The following SMURF1 variants were observed in gnomAD, a reference collection of about 807,000 sequenced individuals.
The protein encoded by SMURF1 is SMAD specific E3 ubiquitin protein ligase 1, also known as E3 ubiquitin-protein ligase SMURF1.
Under a neutral mutation model 98.0 loss-of-function variants are expected in SMURF1, and 44 were observed. The observed-to-expected ratio is 0.45, with a 90% CI of 0.35 to 0.58. SMURF1 has a LOEUF of 0.58. Among genes scored for constraint, SMURF1 ranks in the 20% least tolerant of loss-of-function variants. The probability of loss-of-function intolerance (pLI) is 0.00; values close to 1 mark genes in which losing one functional copy is unlikely to be tolerated. For synonymous variants in SMURF1, 396 were observed against 374.9 expected, an observed-to-expected ratio of 1.06 and a Z score of -0.65; for missense variants, 687 against 938.4, an observed-to-expected ratio of 0.73 and a Z score of 3.50.
chr7:99,111,198 C>T (rs980816379), intron 1 of SMURF1, among the ~76,000 whole-genome samples: 15 of 151,964 alleles, frequency 9.9e-5, no homozygotes, highest in African/African-American at 3.6e-4. Flanking sequence ...GTCAATGATA[C>T]AAAAAGGCAG....
chr7:99,060,960 AG>A (rs1437465421), intron 2 of SMURF1, among the ~76,000 whole-genome samples: 5 of 152,024 alleles, frequency 3.3e-5, no homozygotes, highest in African/African-American at 1.2e-4. Flanking sequence ...TGGAGGGAAA[AG>A]TGTCTGAAAG....
intron 1 of SMURF1, among the ~76,000 whole-genome samples, chr7:99,123,036 C>G (rs1797675302): frequency 6.6e-6 from 1 of 151,340 alleles, no homozygotes; most frequent in Non-Finnish European, 1.5e-5. Flanking sequence ...CAGAGCCAAA[C>G]AGAAACACAG....
chr7:99,030,634 C>T lies in SMURF1; in HGVS notation c.2146G>A (p.Glu716Lys), dbSNP rs765129868. ...PPYESYEKLY[E>K]KLLTAVEETC... ...TCCTCCACGGCTGTCAGCAGCTTCT[C>T]GTAGAGCTTCTCATAGGACTCATAT... The change falls in exon 18 of 18, where the codon GAG (glutamate) becomes AAG (lysine). Residue 716 changes from glutamate to lysine, a missense_variant. Physicochemically the swap from Glu to Lys is moderately conservative, Grantham distance 56. This residue lies in a region of SMURF1 where 272 missense variants were observed against 430.0 expected (regional missense o/e 0.63). Transcript: ENST00000361368. The T allele has an allele frequency of 1.7e-5, 27 of 1,614,042 alleles. No homozygotes were observed. In the Admixed American group the frequency reaches 1.8e-4, roughly 11 times the overall value.
intron 1 of SMURF1, among the ~76,000 whole-genome samples, chr7:99,132,274 G>A (rs530294714): frequency 7.9e-5 from 12 of 152,270 alleles, no homozygotes; most frequent in Non-Finnish European, 1.0e-4. Context: ...GTCCTCCGAC[G>A]CCCAACTCAG....
intron 1 of SMURF1, among the ~76,000 whole-genome samples, chr7:99,132,486 G>A (rs1797891270): frequency 6.6e-6 from 1 of 152,158 alleles, no homozygotes; most frequent in South Asian, 2.1e-4. Context: ...TGGATGATGG[G>A]AGAATAACCA....
chr7:99,069,710 G>GA (rs11429251), intron 1 of SMURF1, among the ~76,000 whole-genome samples: 72,211 of 151,912 alleles, frequency 0.48, 18,999 homozygotes, highest in Non-Finnish European at 0.59. Context: ...TGCATTGAAG[G>GA]AAAAAAAGTC....
chr7:99,044,431 G>T (rs184439641), intron 11 of SMURF1, among the ~76,000 whole-genome samples: 1 of 152,174 alleles, frequency 6.6e-6, no homozygotes, highest in Non-Finnish European at 1.5e-5. Flanking sequence ...AATGTAAACC[G>T]TATAAACTTT....
intron 1 of SMURF1, among the ~76,000 whole-genome samples, chr7:99,124,830 C>T (rs895615464): frequency 1.3e-5 from 2 of 152,162 alleles, no homozygotes; most frequent in Non-Finnish European, 2.9e-5. Context: ...AATGCCACTG[C>T]GCTTTATCAA....
chr7:99,061,649 A>G (rs117893708), intron 2 of SMURF1, 150 bp downstream of exon 2: 9,233 of 528,114 alleles, frequency 0.017, 119 homozygotes, highest in Admixed American at 0.028. Context: ...TGTTGTAGTC[A>G]ACCGGGAAAT....
intron 1 of SMURF1, among the ~76,000 whole-genome samples, chr7:99,124,314 G>T (rs905544501): frequency 6.6e-6 from 1 of 152,152 alleles, no homozygotes; most frequent in Non-Finnish European, 1.5e-5. Flanking sequence ...GAATAGTAAG[G>T]TATAGCTTAC....
chr7:99,138,688 A>G (rs1343014607), intron 1 of SMURF1, among the ~76,000 whole-genome samples: 1 of 152,206 alleles, frequency 6.6e-6, no homozygotes, highest in African/African-American at 2.4e-5. Context: ...GAAAGATTTC[A>G]TGTCTAAAGT....
chr7:99,083,771 T>C (rs554549881), intron 1 of SMURF1, among the ~76,000 whole-genome samples: 1 of 152,240 alleles, frequency 6.6e-6, no homozygotes, highest in East Asian at 1.9e-4. Context: ...TTGGCAACCT[T>C]ATCATTCAAA....
chr7:99,068,688 T>C (rs1288484367), intron 1 of SMURF1, among the ~76,000 whole-genome samples: 1 of 152,212 alleles, frequency 6.6e-6, no homozygotes, highest in Admixed American at 6.5e-5. Context: ...CTAATGACTC[T>C]GTATTTTACT....
chr7:99,129,473 C>T (rs1425972222), intron 1 of SMURF1, among the ~76,000 whole-genome samples: 3 of 152,182 alleles, frequency 2.0e-5, no homozygotes, highest in Non-Finnish European at 4.4e-5. Context: ...CTCATTGTAG[C>T]CTCAACCTCT....
intron 16 of SMURF1, chr7:99,035,287 G>A (rs1346809951): frequency 1.2e-5 from 7 of 578,404 alleles, no homozygotes; most frequent in Admixed American, 3.1e-5. Flanking sequence ...GAATCCAGGT[G>A]CCCTGGAGTG....
In SMURF1 at chr7:99,033,105, T is replaced by C. The variant is rs1411707758; in HGVS notation, c.2028A>G (p.Ala676=). The change falls in exon 17 of 18, where the codon GCA becomes GCG. Residue 676 remains alanine (A), a synonymous_variant. Transcript: ENST00000361368. ...GGTGGATGGTGAACAGCCGGGGCCC[T>C]GCCGCGCCTGTAGAACCTTACAAGA... The part of the protein sequence containing the change: ...FKALQGSTGA[A]GPRLFTIHLI... The C allele has an allele frequency of 6.3e-7, 1 of 1,582,806 alleles. No homozygotes were observed. The highest frequency in any genetic ancestry group is 1.8e-5 in the Admixed American group (1 of 55,320).
chr7:99,030,933 C>T, intron 17 of SMURF1: 1 of 383,986 alleles, frequency 2.6e-6, no homozygotes, highest in East Asian at 5.0e-5. Context: ...CTCCTGGCCT[C>T]AAGTGAACCT....
At chr7:99,137,694 C>G (rs1798024570) in intron 1 of SMURF1, among the ~76,000 whole-genome samples, 1 of 152,246 alleles carries the variant, frequency 6.6e-6, no homozygotes, top group Non-Finnish European at 1.5e-5. Flanking sequence ...TTCCTTTCAG[C>G]TGCAGTGGAG....
chr7:99,118,630 T>C (rs933044588), intron 1 of SMURF1, among the ~76,000 whole-genome samples: 2 of 152,154 alleles, frequency 1.3e-5, no homozygotes, highest in Non-Finnish European at 2.9e-5. Context: ...TTGTAAAGCC[T>C]AGGGTTGGGG....
Sources: allele counts gnomAD v4.1 joint callset (sites outside exome capture counted in the v4.1 genomes callset), GRCh38; gene constraint gnomAD v4.1.1; regional missense constraint gnomAD v4.1.1; transcripts MANE v1.5; gene names NCBI Gene and HGNC (gene_info 2026-07-23, HGNC 2026-07-21).